Variants in VTI1A observed in about 807,000 individuals in gnomAD.
VTI1A encodes the protein vesicle transport through interaction with t-SNAREs 1A.
In VTI1A, 22 loss-of-function variants were observed where a neutral mutation model predicts 34.9. That is an observed-to-expected ratio of 0.63 (90% confidence interval 0.45 to 0.90). The LOEUF (loss-of-function observed/expected upper bound fraction) is 0.90. Among genes scored for constraint, VTI1A ranks in the 40% least tolerant of loss-of-function variants. VTI1A has a pLI of 0.00. For missense variants in VTI1A, 268 were observed against 275.6 expected, an observed-to-expected ratio of 0.97 and a Z score of 0.20; for synonymous variants, 87 against 97.3, an observed-to-expected ratio of 0.89 and a Z score of 0.62.
intron 7 of VTI1A, chr10:112,672,595 T>C (rs1425924262): frequency 6.6e-6 from 1 of 152,162 alleles, no homozygotes; most frequent in African/African-American, 2.4e-5. Context: ...AAATGGGTCT[T>C]TTCATTGACT....
At chr10:112,568,770 A>G (rs775164948) in intron 5 of VTI1A, among the ~76,000 whole-genome samples, 1 of 152,186 alleles carries the variant, frequency 6.6e-6, no homozygotes, top group South Asian at 2.1e-4. Context: ...GAGATGATCA[A>G]GTCTTCATGT....
At chr10:112,737,697 G>T in intron 7 of VTI1A, 1 of 1,057,048 alleles carries the variant, frequency 9.5e-7, no homozygotes, top group Non-Finnish European at 1.1e-6. Context: ...GACTGTCAAG[G>T]TCACTGAGAC....
chr10:112,548,905 T>G, intron 5 of VTI1A: 2 of 1,041,820 alleles, frequency 1.9e-6, no homozygotes, highest in East Asian at 5.2e-5. Context: ...AGAAGTTTCT[T>G]CACATCCACT....
intron 5 of VTI1A, among the ~76,000 whole-genome samples, chr10:112,585,663 CTTTT>C (rs61436886): frequency 5.1e-5 from 6 of 117,294 alleles, no homozygotes; most frequent in African/African-American, 6.5e-5. Context: ...TTGTGGATTT[CTTTT>C]TTTTTTTTTT....
intron 7 of VTI1A, among the ~76,000 whole-genome samples, chr10:112,730,985 A>T (rs771626030): frequency 6.6e-6 from 1 of 152,190 alleles, no homozygotes; most frequent in African/African-American, 2.4e-5. Context: ...TCTGGGTAAT[A>T]TATAATTTCC....
At chr10:112,675,817 G>A (rs1333066900) in intron 7 of VTI1A, among the ~76,000 whole-genome samples, 4 of 152,204 alleles carry the variant, frequency 2.6e-5, no homozygotes, top group African/African-American at 9.6e-5. Context: ...CAGTAGATAA[G>A]GGGTAGTAGG....
At chr10:112,780,475 A>C (rs996037915) in intron 7 of VTI1A, among the ~76,000 whole-genome samples, 21 of 152,132 alleles carry the variant, frequency 1.4e-4, no homozygotes, top group African/African-American at 5.1e-4. Context: ...TTTGAAAACA[A>C]AATGTAAAAA....
intron 7 of VTI1A, among the ~76,000 whole-genome samples, chr10:112,694,267 C>G (rs868173397): frequency 6.6e-6 from 1 of 151,956 alleles, no homozygotes; most frequent in Admixed American, 6.6e-5. Flanking sequence ...CCTCTCCACC[C>G]CAGAAGCCTT....
At chr10:112,819,534 G>A (rs1448688902), downstream of VTI1A, among the ~76,000 whole-genome samples, 1 of 152,132 alleles carries the variant, frequency 6.6e-6, no homozygotes, top group Non-Finnish European at 1.5e-5. Flanking sequence ...TTTGGGGAGG[G>A]TCTGATTGGG....
chr10:112,814,332 T>C (rs56112066), intron 7 of VTI1A, among the ~76,000 whole-genome samples: 2 of 152,278 alleles, frequency 1.3e-5, no homozygotes, highest in African/African-American at 2.4e-5. Context: ...GCTGGACAGA[T>C]AGCTGGCTAG....
In VTI1A at chr10:112,642,113, T is replaced by C. The variant is rs1846599035; in HGVS notation, c.428-26105T>C. Among the ~76,000 whole-genome samples the C allele has an allele frequency of 2.0e-5, 3 of 152,332 alleles. No homozygotes were observed. In the South Asian group the frequency reaches 6.2e-4, roughly 32 times the overall value. Reference sequence around the variant, plus strand: ...CAGCAGGGTTTCTGTAGGCCTCTATTTACATCAAATAAACTTCAAATATTC... The same window carrying C: ...CAGCAGGGTTTCTGTAGGCCTCTATCTACATCAAATAAACTTCAAATATTC... On this transcript the variant is annotated intron_variant, in intron 5 of 7. Transcript: ENST00000393077.
At chr10:112,711,359 G>C (rs1314362081) in intron 7 of VTI1A, among the ~76,000 whole-genome samples, 1 of 152,154 alleles carries the variant, frequency 6.6e-6, no homozygotes, top group Non-Finnish European at 1.5e-5. Context: ...CTACTGTTAA[G>C]GTTCAGGGGC....
At chr10:112,537,311 G>GTTTATATATATATATATATA in intron 4 of VTI1A, among the ~76,000 whole-genome samples, 1 of 65,276 alleles carries the variant, frequency 1.5e-5, no homozygotes, top group African/African-American at 4.5e-5. Context: ...AAGTATCTAG[G>GTTTATATATATATATATATA]TATATATATA....
intron 7 of VTI1A, among the ~76,000 whole-genome samples, chr10:112,674,554 G>A (rs1315643042): frequency 6.6e-6 from 1 of 151,870 alleles, no homozygotes; most frequent in African/African-American, 2.4e-5. Context: ...ATAGATTTTT[G>A]CTCTAGTGTC....
intron 4 of VTI1A, among the ~76,000 whole-genome samples, chr10:112,532,237 A>G (rs925581462): frequency 3.3e-5 from 5 of 152,250 alleles, no homozygotes; most frequent in African/African-American, 4.8e-5. Context: ...TATCCGGGCT[A>G]TAGTAAACAT....
At chr10:112,582,573 G>GA (rs1843991403) in intron 5 of VTI1A, among the ~76,000 whole-genome samples, 1 of 152,068 alleles carries the variant, frequency 6.6e-6, no homozygotes, top group South Asian at 2.1e-4. Context: ...CCTTTTAGGT[G>GA]GTAGAAAAGT....
intron 5 of VTI1A, among the ~76,000 whole-genome samples, chr10:112,603,066 T>A (rs1844937027): frequency 6.6e-6 from 1 of 152,238 alleles, no homozygotes; most frequent in African/African-American, 2.4e-5. Context: ...TTTGTGGAGA[T>A]TCATGGAGTG....
chr10:112,489,748 C>G (rs1189103709), intron 3 of VTI1A, among the ~76,000 whole-genome samples: 1 of 152,014 alleles, frequency 6.6e-6, no homozygotes, highest in African/African-American at 2.4e-5. Context: ...TATGGATAAC[C>G]AAGAGGTTGA....
intron 3 of VTI1A, among the ~76,000 whole-genome samples, chr10:112,486,673 A>ATATACAGTTGTATATTCTTAAGAG (rs1848644313): frequency 6.6e-6 from 1 of 151,906 alleles, no homozygotes; most frequent in Admixed American, 6.6e-5. Flanking sequence ...ATTCTTAAGA[A>ATATACAGTTGTATATTCTTAAGAG]TATACAACTT....
Sources: allele counts gnomAD v4.1 joint callset (sites outside exome capture counted in the v4.1 genomes callset), GRCh38; gene constraint gnomAD v4.1.1; transcripts MANE v1.5; gene names NCBI Gene and HGNC (gene_info 2026-07-23, HGNC 2026-07-21).